Variants in TRAK1 observed in about 807,000 individuals in gnomAD.
TRAK1 encodes the protein trafficking kinesin-binding protein 1.
TRAK1 carries 33 observed loss-of-function variants against 92.1 expected under a neutral mutation model. The ratio of observed to expected loss-of-function variants is 0.36; its 90% confidence interval spans 0.27 to 0.48. The LOEUF (loss-of-function observed/expected upper bound fraction) is 0.48, where lower values mean the gene tolerates loss of function less well. TRAK1 is among the 20% of genes least tolerant of loss of function. The probability of loss-of-function intolerance (pLI) is 0.99; values close to 1 mark genes in which losing one functional copy is unlikely to be tolerated. For synonymous variants in TRAK1, 521 were observed against 517.3 expected (o/e 1.01, Z -0.10); for missense variants, 1,123 against 1,257.9 (o/e 0.89, Z 1.62).
intron 2 of TRAK1, among the ~76,000 whole-genome samples, chr3:42,132,050 C>G (rs1576522717): frequency 6.6e-6 from 1 of 152,032 alleles, no homozygotes; most frequent in South Asian, 2.1e-4. Flanking sequence ...GCCTGGGCAA[C>G]AGAGCGAGAC....
intron 14 of TRAK1, chr3:42,211,619 G>A (rs1709042282): frequency 3.0e-6 from 3 of 985,382 alleles, no homozygotes; most frequent in East Asian, 1.1e-4. Flanking sequence ...AGAATAGAAG[G>A]TGAGTTCTGG....
chr3:42,217,932 A>C, intron 14 of TRAK1: 1 of 985,024 alleles, frequency 1.0e-6, no homozygotes, highest in Non-Finnish European at 1.2e-6. Context: ...AGAAAGATTC[A>C]TAAAGGCTAT....
chr3:42,114,800 C>T (rs1398791946), intron 1 of TRAK1, among the ~76,000 whole-genome samples: 1 of 152,070 alleles, frequency 6.6e-6, no homozygotes, highest in African/African-American at 2.4e-5. Flanking sequence ...GCAACCTCTG[C>T]CTCCTGGGTT....
intron 2 of TRAK1, among the ~76,000 whole-genome samples, chr3:42,167,937 A>G (rs1702076319): frequency 6.6e-6 from 1 of 152,234 alleles, no homozygotes; most frequent in Admixed American, 6.5e-5. Flanking sequence ...AGGGCTTAGT[A>G]GTTAATTCAC....
chr3:42,138,829 A>G (rs1483934912), intron 2 of TRAK1, among the ~76,000 whole-genome samples: 3 of 150,514 alleles, frequency 2.0e-5, no homozygotes, highest in Non-Finnish European at 3.0e-5. Flanking sequence ...GAGTGTGGTC[A>G]TAATTTTATT....
intron 1 of TRAK1, among the ~76,000 whole-genome samples, chr3:42,110,043 A>G (rs1708134436): frequency 6.8e-6 from 1 of 146,608 alleles, no homozygotes; most frequent in Non-Finnish European, 1.5e-5. Flanking sequence ...TGGCACATGT[A>G]TACATATGTA....
At chr3:42,047,903 C>T (rs1702819505) in intron 1 of TRAK1, among the ~76,000 whole-genome samples, 1 of 109,178 alleles carries the variant, frequency 9.2e-6, no homozygotes, top group Non-Finnish European at 2.3e-5. Flanking sequence ...TTAAAACACT[C>T]CCCCCCATAG....
At chr3:42,143,179 A>G (rs1157493716) in intron 2 of TRAK1, among the ~76,000 whole-genome samples, 1 of 151,992 alleles carries the variant, frequency 6.6e-6, no homozygotes, top group Non-Finnish European at 1.5e-5. Flanking sequence ...ATGAAGTTAC[A>G]TAGATATTTT....
At chr3:42,096,305 T>C (rs1339841851) in intron 1 of TRAK1, among the ~76,000 whole-genome samples, 1 of 152,090 alleles carries the variant, frequency 6.6e-6, no homozygotes, top group African/African-American at 2.4e-5. Context: ...CAGGCTGGAG[T>C]GTAGTAGTGT....
At chr3:42,203,122 A>G in intron 13 of TRAK1, 1 of 1,228,828 alleles carries the variant, frequency 8.1e-7, no homozygotes, top group Non-Finnish European at 1.0e-6. Context: ...GGGTGTGAGG[A>G]ATGCAGAAAA....
intron 1 of TRAK1, among the ~76,000 whole-genome samples, chr3:42,123,336 C>T (rs1710142313): frequency 6.6e-6 from 1 of 152,236 alleles, no homozygotes; most frequent in African/African-American, 2.4e-5. Context: ...TGCCTTCCTG[C>T]CTTCCTGGCC....
intron 1 of TRAK1, among the ~76,000 whole-genome samples, chr3:42,029,718 T>A (rs1377333540): frequency 2.0e-5 from 3 of 151,894 alleles, no homozygotes; most frequent in African/African-American, 7.3e-5. Context: ...CCTGGCTAAT[T>A]TTTGTATTTT....
intron 1 of TRAK1, among the ~76,000 whole-genome samples, chr3:42,073,316 A>G (rs546235363): frequency 1.3e-5 from 2 of 152,280 alleles, no homozygotes; most frequent in East Asian, 1.9e-4. Context: ...CGGCTCGTCT[A>G]AATCTTTCTT....
intron 14 of TRAK1, chr3:42,212,080 A>G: frequency 3.0e-6 from 3 of 985,454 alleles, no homozygotes; most frequent in Non-Finnish European, 2.4e-6. Flanking sequence ...TGGGAATTAC[A>G]GGACCATTTT....
At chr3:42,192,430 G>A (rs996387180) in intron 7 of TRAK1, among the ~76,000 whole-genome samples, 10 of 152,264 alleles carry the variant, frequency 6.6e-5, no homozygotes, top group African/African-American at 2.4e-4. Flanking sequence ...TAAGTATTTT[G>A]CATTTCGTCA....
intron 1 of TRAK1, among the ~76,000 whole-genome samples, chr3:42,106,116 G>A (rs141748148): frequency 0.15 from 22,801 of 151,912 alleles, 1,690 homozygotes; most frequent in South Asian, 0.26. Context: ...ATCAACTAAC[G>A]AGCAAAATAA....
chr3:42,125,434 A>G lies in TRAK1; in HGVS notation c.106A>G (p.Thr36Ala). Residue 36 changes from threonine to alanine, a missense_variant, in exon 2 of 16, where the codon ACC (threonine) becomes GCC (alanine). Coordinates refer to ENST00000327628, the MANE Select transcript of TRAK1 (RefSeq NM_001042646.3). The stretch of plus-strand genomic sequence containing the variant: ...CTTGTCTTTAGATGTGTGCAACAGC[A>G]CCGATCTTCCGGAAGTCGAGATCAT... ...RTNACDVCNSTDLPEVEIISL... is the reference protein window; with the variant it reads ...RTNACDVCNSADLPEVEIISL... 1 of 1,614,126 alleles carries G rather than the reference A, an allele frequency of 6.2e-7. No individual in the cohort carries two copies. Among genetic ancestry groups the G allele is most frequent in the Non-Finnish European group, 8.5e-7 (1 of 1,180,016 alleles).
chr3:42,167,181 A>T (rs1035284818), intron 2 of TRAK1, among the ~76,000 whole-genome samples: 10 of 152,206 alleles, frequency 6.6e-5, no homozygotes, highest in African/African-American at 2.4e-4. Flanking sequence ...ACTCATGCTC[A>T]TCTTGAGGGC....
chr3:42,032,182 C>G (rs1173978879), intron 1 of TRAK1, among the ~76,000 whole-genome samples: 1 of 152,170 alleles, frequency 6.6e-6, no homozygotes, highest in Non-Finnish European at 1.5e-5. Flanking sequence ...AGGTGCAGTT[C>G]TCTTGGAATC....
Sources: gnomAD v4.1 joint callset for allele counts (sites outside exome capture counted in the v4.1 genomes callset) on GRCh38, gnomAD v4.1.1 for gene constraint, MANE v1.5 for transcripts, NCBI Gene and HGNC (gene_info 2026-07-23, HGNC 2026-07-21) for gene names.